Variants in NRG4 observed in about 807,000 individuals in gnomAD.
NRG4 encodes the protein pro-neuregulin-4, membrane-bound isoform.
Under a neutral mutation model 15.0 loss-of-function variants are expected in NRG4, and 10 were observed. The ratio of observed to expected loss-of-function variants is 0.67; its 90% CI spans 0.41 to 1.13. The LOEUF is 1.13. Ranked by LOEUF, NRG4 falls within the 50% of genes most tolerant of loss-of-function variation. The pLI, the probability that NRG4 is intolerant of heterozygous loss-of-function variation, is 0.00. For missense variants in NRG4, 139 were observed against 140.2 expected, an observed-to-expected ratio of 0.99 and a Z score of 0.04; for synonymous variants, 41 against 50.1, an observed-to-expected ratio of 0.82 and a Z score of 0.77.
chr15:76,001,028 C>A (rs2034394141), intron 3 of NRG4, among the ~76,000 whole-genome samples: 1 of 151,710 alleles, frequency 6.6e-6, no homozygotes, highest in South Asian at 2.1e-4. Context: ...GCTCTGTTGC[C>A]CAGGCTGGAG....
At chr15:76,029,063 C>G (rs2141939111) in intron 5 of NRG4, among the ~76,000 whole-genome samples, 1 of 152,176 alleles carries the variant, frequency 6.6e-6, no homozygotes, top group African/African-American at 2.4e-5. Flanking sequence ...AAAATACTAG[C>G]AAGCCAAATC....
intron 4 of NRG4, among the ~76,000 whole-genome samples, chr15:76,042,802 T>C (rs538761041): frequency 6.6e-6 from 1 of 152,080 alleles, no homozygotes; most frequent in Non-Finnish European, 1.5e-5. Flanking sequence ...TCCAAGCTCA[T>C]TCTACAAGGT....
intron 3 of NRG4, among the ~76,000 whole-genome samples, chr15:75,985,602 A>T (rs1308235483): frequency 6.6e-6 from 1 of 152,180 alleles, no homozygotes; most frequent in Non-Finnish European, 1.5e-5. Flanking sequence ...ATTTAGGAAA[A>T]GTTTCATTTA....
intron 5 of NRG4, among the ~76,000 whole-genome samples, chr15:75,949,625 T>C (rs942996180): frequency 2.6e-5 from 4 of 152,238 alleles, no homozygotes; most frequent in Non-Finnish European, 4.4e-5. Context: ...TTTCTTTTTA[T>C]CGATTGTGCT....
At chr15:76,017,741 T>C (rs761723041) in intron 5 of NRG4, among the ~76,000 whole-genome samples, 62 of 151,930 alleles carry the variant, frequency 4.1e-4, no homozygotes, top group Non-Finnish European at 7.1e-4. Flanking sequence ...AACCTGACTT[T>C]TCTGGCTGCT....
At chr15:75,940,848 A>C (rs946755602), downstream of NRG4, 2 of 152,138 alleles carry the variant, frequency 1.3e-5, no homozygotes, top group Admixed American at 6.5e-5. Context: ...CAAAGACCTA[A>C]ATGTGAGAGC....
upstream of NRG4, among the ~76,000 whole-genome samples, chr15:76,015,621 T>C (rs1412591593): frequency 6.6e-6 from 1 of 152,222 alleles, no homozygotes; most frequent in Non-Finnish European, 1.5e-5. Context: ...TTTTTGTCAT[T>C]GGTTCTGTTT....
At chr15:75,981,810 A>G (rs180836451) in intron 3 of NRG4, among the ~76,000 whole-genome samples, 1 of 152,324 alleles carries the variant, frequency 6.6e-6, no homozygotes, top group East Asian at 1.9e-4. Flanking sequence ...AAATTTAACC[A>G]CAGAAATGGA....
At chr15:76,059,132 G>A (rs1269766638) in intron 1 of NRG4, among the ~76,000 whole-genome samples, 2 of 152,204 alleles carry the variant, frequency 1.3e-5, no homozygotes, top group South Asian at 2.1e-4. Flanking sequence ...GGGATTTCAC[G>A]GGGAAAGGAG....
chr15:76,005,823 G>T lies in NRG4; in HGVS notation c.104+3377C>A, dbSNP rs1324039291. The T allele has an allele frequency of 9.8e-6, 4 of 409,192 alleles. No homozygotes were observed. The East Asian group carries it at 2.9e-4, about 29-fold the overall frequency. 25.3% of individuals were successfully genotyped at this position (409,192 alleles called of 1,614,324 possible). ...TTTTCGTGTAGACTGAGGAGGAGGA[G>T]AAAGAGGAGGAGTTGGCAGGCAACA... On this transcript the variant is annotated intron_variant, in intron 3 of 5. Coordinates refer to ENST00000394907, the MANE Select transcript of NRG4 (RefSeq NM_138573.4).
At chr15:76,054,630 G>A (rs912609830) in intron 2 of NRG4, among the ~76,000 whole-genome samples, 2 of 152,096 alleles carry the variant, frequency 1.3e-5, no homozygotes, top group Non-Finnish European at 2.9e-5. Context: ...GGCCAGGCTG[G>A]TCTCAAACTC....
intron 4 of NRG4, among the ~76,000 whole-genome samples, chr15:76,045,541 A>G (rs532010311): frequency 1.9e-4 from 29 of 151,058 alleles, no homozygotes; most frequent in Non-Finnish European, 3.8e-4. Context: ...CCATCAACAG[A>G]TGAACAGATA....
At chr15:76,019,124 T>C (rs942084890) in intron 5 of NRG4, among the ~76,000 whole-genome samples, 4 of 152,016 alleles carry the variant, frequency 2.6e-5, no homozygotes, top group African/African-American at 9.7e-5. Context: ...CGGCTTTGTT[T>C]ACACTGTGAG....
chr15:76,001,952 C>T (rs1442406470), intron 3 of NRG4, among the ~76,000 whole-genome samples: 1 of 152,122 alleles, frequency 6.6e-6, no homozygotes, highest in African/African-American at 2.4e-5. Context: ...AGCTCAAAAG[C>T]TCCAAAGTGC....
At position 76,011,244 on chromosome 15, in the gene NRG4, T is replaced by C; in HGVS notation, c.-14A>G. On this transcript the variant is annotated 5_prime_UTR_variant, in exon 2 of 6. Coordinates refer to ENST00000394907, the MANE Select transcript of NRG4 (RefSeq NM_138573.4). ...ACCTGTTGGCATCTTAATTTGTAAA[T>C]AGTTTCATTCTTGGTCAAGAGAGTA... 2.1e-6 allele frequency: 3 copies of C among 1,451,986 alleles called. No homozygotes were observed. Among genetic ancestry groups the C allele is most frequent in the Non-Finnish European group, 2.7e-6 (3 of 1,094,376 alleles). The allele number at this position is 1,451,986 out of a possible 1,614,324, so 89.9% of individuals were successfully genotyped here.
intron 3 of NRG4, among the ~76,000 whole-genome samples, chr15:75,992,553 T>A (rs1344155926): frequency 6.6e-6 from 1 of 152,174 alleles, no homozygotes; most frequent in African/African-American, 2.4e-5. Context: ...TTCAATGTTT[T>A]TAGTATATTC....
intron 3 of NRG4, among the ~76,000 whole-genome samples, chr15:75,989,234 A>G (rs2033916686): frequency 6.6e-6 from 1 of 152,182 alleles, no homozygotes; most frequent in Non-Finnish European, 1.5e-5. Context: ...ACTTATGCAA[A>G]GAATGTTGTA....
upstream of NRG4, among the ~76,000 whole-genome samples, chr15:76,014,605 T>C (rs143792241): frequency 7.1e-3 from 1,086 of 152,336 alleles, 19 homozygotes; most frequent in African/African-American, 0.024. Flanking sequence ...TAGGAAATCC[T>C]TTCCCCATTG....
In NRG4 at chr15:75,953,955, G is replaced by A. The variant is rs527982027; in HGVS notation, c.331+1977C>T. On this transcript the variant is annotated intron_variant, in intron 5 of 5. Transcript: ENST00000394907. ...TCCTGCCTCAGCCTCCCAGAATGCT[G>A]GGATTACAGGCGTGAGCCAGAGTGC... 1.1e-4 allele frequency among the ~76,000 whole-genome samples: 16 copies of A among 152,258 alleles called. No homozygotes were observed. In the East Asian group the frequency reaches 2.7e-3, roughly 26 times the overall value.
Sources: gnomAD v4.1 joint callset for allele counts (sites outside exome capture counted in the v4.1 genomes callset) on GRCh38, gnomAD v4.1.1 for gene constraint, MANE v1.5 for transcripts, NCBI Gene and HGNC (gene_info 2026-07-23, HGNC 2026-07-21) for gene names.